SIPA1L1: variants seen among roughly 807,000 people sequenced by gnomAD.
SIPA1L1 encodes the protein signal induced proliferation associated 1 like 1.
In SIPA1L1, 26 loss-of-function variants were observed where a neutral mutation model predicts 162.7. That is an observed-to-expected ratio of 0.16 (90% CI 0.12 to 0.22). The LOEUF (loss-of-function observed/expected upper bound fraction) is 0.22, where lower values mean the gene tolerates loss of function less well. SIPA1L1 is among the 10% of genes least tolerant of loss of function. SIPA1L1 has a pLI of 1.00. For missense variants in SIPA1L1, 1,874 were observed against 2,241.0 expected (o/e 0.84, Z 3.31); for synonymous variants, 829 against 837.4 (o/e 0.99, Z 0.17).
At chr14:71,490,441 T>C (rs1012235736) in intron 2 of SIPA1L1, among the ~76,000 whole-genome samples, 1 of 152,128 alleles carries the variant, frequency 6.6e-6, no homozygotes, top group Admixed American at 6.6e-5. Context: ...CACAAAATTA[T>C]AAATTATTTT....
At chr14:71,416,628 C>T (rs935653995) in intron 2 of SIPA1L1, among the ~76,000 whole-genome samples, 3 of 151,794 alleles carry the variant, frequency 2.0e-5, no homozygotes, top group Non-Finnish European at 4.4e-5. Context: ...CATGACTCTT[C>T]GCCTTCTAAG....
intron 4 of SIPA1L1, among the ~76,000 whole-genome samples, chr14:71,554,792 AG>A (rs1464276505): frequency 6.6e-6 from 1 of 152,138 alleles, no homozygotes; most frequent in Admixed American, 6.6e-5. Flanking sequence ...GGTTGTTTAT[AG>A]CTCCTTGCTA....
intron 2 of SIPA1L1, among the ~76,000 whole-genome samples, chr14:71,440,872 C>A (rs2044793117): frequency 6.6e-6 from 1 of 152,034 alleles, no homozygotes; most frequent in African/African-American, 2.4e-5. Flanking sequence ...TATTGAGAAA[C>A]CATTGATGGT....
intron 6 of SIPA1L1, among the ~76,000 whole-genome samples, chr14:71,621,072 T>C (rs1776732564): frequency 6.6e-6 from 1 of 152,206 alleles, no homozygotes. Context: ...ATCTGGTCTG[T>C]CAGCAACACT....
Position 71,590,021 on chromosome 14 carries a change from TAAA to T in SIPA1L1, c.1498+673_1498+675del, listed in dbSNP as rs200463823. On this transcript the variant is annotated intron_variant, in intron 5 of 23. Coordinates refer to ENST00000381232, the MANE Select transcript of SIPA1L1 (RefSeq NM_001386936.1). ...CTAATCTTTTCTTTGAGTGGGAGAG[TAAA>T]AAAAAAAAAAAAAAAAAAAAATATA... 4.2e-3 allele frequency among the ~76,000 whole-genome samples: 355 copies of T among 84,956 alleles called. 2 individuals carry two copies. The highest frequency in any genetic ancestry group is 5.2e-3 in the East Asian group (14 of 2,702). 55.7% of individuals were successfully genotyped at this position (84,956 alleles called of 152,430 possible). A position where few individuals can be genotyped will look rare whatever the true frequency, so the allele number is the denominator to read the frequency against.
chr14:71,583,432 T>C (rs2034194794), intron 4 of SIPA1L1, among the ~76,000 whole-genome samples: 1 of 152,220 alleles, frequency 6.6e-6, no homozygotes, highest in Admixed American at 6.5e-5. Flanking sequence ...AGTTAAAGAA[T>C]CTGAGAAGAT....
chr14:71,726,660 G>T (rs754268204), intron 19 of SIPA1L1, among the ~76,000 whole-genome samples: 2 of 152,170 alleles, frequency 1.3e-5, no homozygotes, highest in Non-Finnish European at 2.9e-5. Flanking sequence ...GTGAGACTCC[G>T]CGAAGAAAGT....
chr14:71,494,266 A>G (rs2049534174), intron 2 of SIPA1L1, among the ~76,000 whole-genome samples: 1 of 152,102 alleles, frequency 6.6e-6, no homozygotes, highest in Admixed American at 6.5e-5. Context: ...AGGCTGAGGA[A>G]GTTCCCTTAT....
At chr14:71,332,233 T>C (rs1162391013) in intron 2 of SIPA1L1, among the ~76,000 whole-genome samples, 2 of 152,182 alleles carry the variant, frequency 1.3e-5, no homozygotes, top group Non-Finnish European at 2.9e-5. Flanking sequence ...TGTAAGTGTT[T>C]ATTGAATCCC....
intron 2 of SIPA1L1, among the ~76,000 whole-genome samples, chr14:71,464,601 A>G (rs2046845682): frequency 6.6e-6 from 1 of 152,222 alleles, no homozygotes; most frequent in Admixed American, 6.5e-5. Context: ...AAATCATGCC[A>G]CTGCACTCCA....
chr14:71,678,617 C>G (rs557101802), intron 12 of SIPA1L1, among the ~76,000 whole-genome samples: 1 of 152,070 alleles, frequency 6.6e-6, no homozygotes, highest in African/African-American at 2.4e-5. Context: ...TTTGTTGTGT[C>G]TCTGCCCGGC....
intron 2 of SIPA1L1, among the ~76,000 whole-genome samples, chr14:71,417,508 A>AAAAAAAAAATAAAAAAAAGCAAC (rs2042888861): frequency 7.3e-6 from 1 of 136,984 alleles, no homozygotes; most frequent in African/African-American, 2.7e-5. Context: ...AAAAAAGAAA[A>AAAAAAAAAATAAAAAAAAGCAAC]TCCTAAAGAA....
chr14:71,671,554 C>G lies in SIPA1L1; in HGVS notation c.2691C>G (p.Phe897Leu). The change falls in exon 11 of 24, where the codon TTC becomes TTG. Residue 897 changes from phenylalanine to leucine, a missense_variant. Phe to Leu is a conservative substitution (Grantham distance 22). This residue lies in a region of SIPA1L1 where 243 missense variants were observed against 315.0 expected (regional missense o/e 0.77). Coordinates refer to ENST00000381232, the MANE Select transcript of SIPA1L1 (RefSeq NM_001386936.1). ...AACAGGAAACAAAGAGCGTGGTCTT[C>G]AATTGTTCCTGTAGAGATGTGATAG... The part of the protein sequence containing the change: ...LIEQETKSVV[F>L]NCSCRDVIGW... 6.2e-7 allele frequency: 1 copy of G among 1,614,156 alleles called. No individual in the cohort carries two copies. The highest frequency in any genetic ancestry group is 8.5e-7 in the Non-Finnish European group (1 of 1,180,034).
At chr14:71,704,285 G>A (rs957842286) in intron 15 of SIPA1L1, among the ~76,000 whole-genome samples, 4 of 152,110 alleles carry the variant, frequency 2.6e-5, no homozygotes, top group Admixed American at 1.3e-4. Context: ...CCAATATTGA[G>A]TATATAATGG....
intron 2 of SIPA1L1, among the ~76,000 whole-genome samples, chr14:71,501,684 A>C (rs889966729): frequency 6.6e-6 from 1 of 151,912 alleles, no homozygotes; most frequent in African/African-American, 2.4e-5. Flanking sequence ...AAAGATGTAC[A>C]TGTAGAATTT....
intron 9 of SIPA1L1, among the ~76,000 whole-genome samples, chr14:71,661,042 G>A (rs76498435): frequency 6.6e-6 from 1 of 152,326 alleles, no homozygotes; most frequent in African/African-American, 2.4e-5. Context: ...AGGGTTTGGT[G>A]ATGTTGGGAC....
intron 2 of SIPA1L1, among the ~76,000 whole-genome samples, chr14:71,455,848 C>T (rs923615101): frequency 6.6e-6 from 1 of 151,990 alleles, no homozygotes; most frequent in African/African-American, 2.4e-5. Context: ...ATTTATGATG[C>T]CTTTCCCTTC....
At chr14:71,461,940 A>AGG (rs1397281041) in intron 2 of SIPA1L1, among the ~76,000 whole-genome samples, 1 of 152,214 alleles carries the variant, frequency 6.6e-6, no homozygotes, top group Non-Finnish European at 1.5e-5. Context: ...GAGAGAAGGC[A>AGG]GGGTGGCAGG....
At chr14:71,618,550 C>T (rs1475889973) in intron 5 of SIPA1L1, among the ~76,000 whole-genome samples, 2 of 152,140 alleles carry the variant, frequency 1.3e-5, no homozygotes, top group African/African-American at 4.8e-5. Context: ...CAACAGGCCA[C>T]CCGTGTTCAG....
Sources: gnomAD v4.1 joint callset for allele counts (sites outside exome capture counted in the v4.1 genomes callset) on GRCh38, gnomAD v4.1.1 for gene constraint, gnomAD v4.1.1 regional missense constraint, MANE v1.5 for transcripts, NCBI Gene and HGNC (gene_info 2026-07-23, HGNC 2026-07-21) for gene names.